Variants in SPOCK3 observed in about 807,000 individuals in gnomAD.
The protein encoded by SPOCK3 is testican-3.
SPOCK3 carries 30 observed loss-of-function variants against 56.6 expected under a neutral mutation model. The observed-to-expected ratio is 0.53, with a 90% CI of 0.40 to 0.72. SPOCK3 has a LOEUF of 0.72. Among genes scored for constraint, SPOCK3 ranks in the 30% least tolerant of loss-of-function variants. The pLI, the probability that SPOCK3 is intolerant of heterozygous loss-of-function variation, is 0.00. For missense variants in SPOCK3, 527 were observed against 530.0 expected (o/e 0.99, Z 0.06); for synonymous variants, 196 against 183.3 (o/e 1.07, Z -0.56).
chr4:166,860,802 C>CATATATATATATATATGTATATATATAT, intron 6 of SPOCK3, among the ~76,000 whole-genome samples: 1 of 101,938 alleles, frequency 9.8e-6, no homozygotes, highest in Non-Finnish European at 2.0e-5. Flanking sequence ...CACACAAATT[C>CATATATATATATATATGTATATATATAT]ATATATATAT....
intron 7 of SPOCK3, among the ~76,000 whole-genome samples, chr4:166,762,330 C>T (rs574951096): frequency 6.6e-6 from 1 of 152,124 alleles, no homozygotes; most frequent in Non-Finnish European, 1.5e-5. Context: ...CAGAAGTTGC[C>T]AAATGCCCAG....
intron 2 of SPOCK3, among the ~76,000 whole-genome samples, chr4:167,223,111 AATAT>A (rs1230471752): frequency 3.5e-5 from 3 of 84,846 alleles, no homozygotes; most frequent in Non-Finnish European, 6.2e-5. Context: ...ATGAATATAT[AATAT>A]ATATTTTATA....
chr4:167,056,777 G>A (rs549516556), intron 3 of SPOCK3, among the ~76,000 whole-genome samples: 2 of 152,286 alleles, frequency 1.3e-5, no homozygotes, highest in South Asian at 2.1e-4. Context: ...CAAGAAATAC[G>A]GGACTATGTG....
In SPOCK3 at chr4:166,811,048, TTTA is replaced by T. The variant is rs558905444; in HGVS notation, c.590-18762_590-18760del. Among the ~76,000 whole-genome samples the T allele has an allele frequency of 6.2e-4, 94 of 152,036 alleles. 1 individual carries two copies. The highest frequency in any genetic ancestry group is 2.2e-3 in the African/African-American group (90 of 41,568). ...AATGTATTGACCAAAAGTTTAAAAT[TTTA>T]TTATATTTTTGTTTCTAATGACCCT... On this transcript the variant is annotated intron_variant, in intron 6 of 10. Coordinates refer to ENST00000357545, the MANE Select transcript of SPOCK3 (RefSeq NM_001040159.2).
At chr4:166,965,169 A>C (rs1049637505) in intron 4 of SPOCK3, among the ~76,000 whole-genome samples, 1 of 151,972 alleles carries the variant, frequency 6.6e-6, no homozygotes, top group Non-Finnish European at 1.5e-5. Context: ...TGAAATACCC[A>C]AAAATTCATG....
rs190273157 is a variant in SPOCK3 at position 166,900,620 on chromosome 4, G to A, written c.475-11376C>T. Among the ~76,000 whole-genome samples the A allele has an allele frequency of 6.3e-4, 96 of 152,270 alleles. 2 individuals are homozygous for A. In the East Asian group the frequency reaches 0.018, roughly 29 times the overall value. Reference sequence around the variant, plus strand: ...TCCAGTTGGCAGCCTGTCCAAAGGAGGCCTTAGGGATTCAAACTCAATTGT... The same window carrying A: ...TCCAGTTGGCAGCCTGTCCAAAGGAAGCCTTAGGGATTCAAACTCAATTGT... On this transcript the variant is annotated intron_variant, in intron 5 of 10. Coordinates refer to ENST00000357545, the MANE Select transcript of SPOCK3 (RefSeq NM_001040159.2).
chr4:167,215,029 G>A (rs1158666122), intron 2 of SPOCK3, among the ~76,000 whole-genome samples: 1 of 151,362 alleles, frequency 6.6e-6, no homozygotes, highest in Non-Finnish European at 1.5e-5. Context: ...AAACATGATA[G>A]TAAAAAGTTA....
At chr4:167,147,960 A>AAAAG (rs147878659) in intron 2 of SPOCK3, among the ~76,000 whole-genome samples, 2 of 151,978 alleles carry the variant, frequency 1.3e-5, no homozygotes, top group African/African-American at 4.8e-5. Context: ...AAGTATAATA[A>AAAAG]AAAGAAAGAA....
intron 2 of SPOCK3, among the ~76,000 whole-genome samples, chr4:167,154,161 G>A (rs1667119351): frequency 6.6e-6 from 1 of 152,026 alleles, no homozygotes; most frequent in Admixed American, 6.6e-5. Flanking sequence ...CCAAGAAGGG[G>A]TTCATAGACT....
chr4:167,217,242 A>T (rs1207411785), intron 2 of SPOCK3, among the ~76,000 whole-genome samples: 1 of 152,122 alleles, frequency 6.6e-6, no homozygotes, highest in African/African-American at 2.4e-5. Context: ...ATTGTAATAC[A>T]GTTGACCCTC....
chr4:166,906,500 A>AC (rs1736631464), intron 5 of SPOCK3, among the ~76,000 whole-genome samples: 1 of 151,344 alleles, frequency 6.6e-6, no homozygotes, highest in Non-Finnish European at 1.5e-5. Context: ...AAAAAAAAAA[A>AC]ACCTACCTTC....
At chr4:166,789,905 T>C (rs538581364) in intron 7 of SPOCK3, among the ~76,000 whole-genome samples, 2 of 152,166 alleles carry the variant, frequency 1.3e-5, no homozygotes, top group African/African-American at 4.8e-5. Flanking sequence ...TTAAAATGCA[T>C]GCACATTTTG....
intron 4 of SPOCK3, among the ~76,000 whole-genome samples, chr4:166,991,315 A>G (rs1747755000): frequency 1.3e-5 from 2 of 151,460 alleles, no homozygotes; most frequent in African/African-American, 4.8e-5. Context: ...CCTGAAGCTG[A>G]AAAAAGATAA....
In SPOCK3 at chr4:166,978,910, G is replaced by A. The variant is rs371303804; in HGVS notation, c.350+21439C>T. Among the ~76,000 whole-genome samples, 35 of 152,156 alleles carry A rather than the reference G, an allele frequency of 2.3e-4. No individual in the cohort carries two copies. In the South Asian group the frequency reaches 6.6e-3, roughly 29 times the overall value. On this transcript the variant is annotated intron_variant, in intron 4 of 10. Transcript: ENST00000357545. ...AAAAACATTTTTATTTCCAGAAAAG[G>A]GATATGAGTGCGGAAGAGGCTGGGA...
chr4:167,085,085 A>G (rs1426622279), intron 2 of SPOCK3, among the ~76,000 whole-genome samples: 1 of 151,988 alleles, frequency 6.6e-6, no homozygotes, highest in Non-Finnish European at 1.5e-5. Flanking sequence ...TAAAAACTCT[A>G]ATGTCATCTA....
At chr4:167,034,540 C>T (rs915015015) in intron 3 of SPOCK3, among the ~76,000 whole-genome samples, 2 of 152,042 alleles carry the variant, frequency 1.3e-5, no homozygotes, top group African/African-American at 4.8e-5. Flanking sequence ...ACCTTGGCAG[C>T]ATGGGAATGA....
At chr4:166,884,886 C>CAT (rs1218099130) in intron 6 of SPOCK3, among the ~76,000 whole-genome samples, 3 of 151,776 alleles carry the variant, frequency 2.0e-5, no homozygotes, top group Admixed American at 1.3e-4. Context: ...CACACACACA[C>CAT]ACACACACAC....
intron 6 of SPOCK3, among the ~76,000 whole-genome samples, chr4:166,804,372 T>A (rs1742933699): frequency 6.6e-6 from 1 of 152,116 alleles, no homozygotes; most frequent in South Asian, 2.1e-4. Context: ...CCCACCCATG[T>A]GACCTCATAT....
intron 2 of SPOCK3, among the ~76,000 whole-genome samples, chr4:167,199,165 T>C (rs1733254543): frequency 6.6e-6 from 1 of 151,872 alleles, no homozygotes. Flanking sequence ...AAATCATTGT[T>C]AGTATAAAAA....
Sources: gnomAD v4.1 joint callset for allele counts (sites outside exome capture counted in the v4.1 genomes callset) on GRCh38, gnomAD v4.1.1 for gene constraint, MANE v1.5 for transcripts, NCBI Gene and HGNC (gene_info 2026-07-23, HGNC 2026-07-21) for gene names.